Variants in UHRF1 observed in about 807,000 individuals in gnomAD.
UHRF1 encodes the protein E3 ubiquitin-protein ligase UHRF1.
UHRF1 carries 9 observed loss-of-function variants against 96.5 expected under a neutral mutation model. The ratio of observed to expected loss-of-function variants is 0.09; its 90% CI spans 0.06 to 0.16. The LOEUF (loss-of-function observed/expected upper bound fraction) is 0.16. UHRF1 is among the 10% of genes least tolerant of loss of function. The probability of loss-of-function intolerance (pLI) is 1.00; values close to 1 mark genes in which losing one functional copy is unlikely to be tolerated. For missense variants in UHRF1, 626 were observed against 1,131.1 expected, an observed-to-expected ratio of 0.55 and a Z score of 6.40; for synonymous variants, 455 against 469.9, an observed-to-expected ratio of 0.97 and a Z score of 0.41.
chr19:4,917,667 A>G (rs2032568539), intron 2 of UHRF1, among the ~76,000 whole-genome samples: 10 of 150,640 alleles, frequency 6.6e-5, no homozygotes, highest in Admixed American at 6.6e-4. Context: ...AAAAAAAAAA[A>G]AAAAAAAAAA....
intron 2 of UHRF1, among the ~76,000 whole-genome samples, chr19:4,926,943 A>G (rs2032891645): frequency 6.6e-6 from 1 of 152,050 alleles, no homozygotes; most frequent in Admixed American, 6.6e-5. Context: ...GGTGCCTGTA[A>G]TCCCCGCTAC....
intron 2 of UHRF1, among the ~76,000 whole-genome samples, chr19:4,927,558 A>T (rs756874874): frequency 1.3e-5 from 2 of 152,114 alleles, no homozygotes; most frequent in Non-Finnish European, 2.9e-5. Flanking sequence ...CCAAGGGGCG[A>T]AAGGAGGAAG....
intron 7 of UHRF1, among the ~76,000 whole-genome samples, chr19:4,942,200 C>CTT (rs943037431): frequency 6.8e-6 from 1 of 147,526 alleles, no homozygotes; most frequent in Non-Finnish European, 1.5e-5. Context: ...TTTTTCTTTT[C>CTT]TTTTTTTTTT....
intron 5 of UHRF1, among the ~76,000 whole-genome samples, chr19:4,934,038 T>C (rs992126759): frequency 6.6e-5 from 10 of 151,364 alleles, no homozygotes; most frequent in Non-Finnish European, 1.2e-4. Context: ...TTTTTTTTTT[T>C]TAAAAGACAG....
chr19:4,939,417 T>C (rs1599277024), intron 5 of UHRF1, among the ~76,000 whole-genome samples: 1 of 151,922 alleles, frequency 6.6e-6, no homozygotes, highest in Middle Eastern at 3.4e-3. Context: ...GTTTGCTGTC[T>C]CACCTAGGCT....
At chr19:4,938,417 TTA>T (rs1250664067) in intron 5 of UHRF1, among the ~76,000 whole-genome samples, 2 of 152,078 alleles carry the variant, frequency 1.3e-5, no homozygotes, top group African/African-American at 2.4e-5. Context: ...TGTTGGTAAT[TTA>T]TGTTTTCTTT....
At chr19:4,923,476 C>T (rs927762927) in intron 2 of UHRF1, among the ~76,000 whole-genome samples, 1 of 152,204 alleles carries the variant, frequency 6.6e-6, no homozygotes, top group African/African-American at 2.4e-5. Flanking sequence ...GCGCTGAGGC[C>T]CCTCTGCTTG....
At chr19:4,932,693 G>C (rs2146336331) in intron 4 of UHRF1, 48 bp from the exon 5 acceptor site, 1 of 1,596,162 alleles carries the variant, frequency 6.3e-7, no homozygotes, top group African/African-American at 1.3e-5. Flanking sequence ...ATTGAGGGAA[G>C]GAGGCTTGGT....
intron 2 of UHRF1, among the ~76,000 whole-genome samples, chr19:4,916,997 C>T (rs1367372917): frequency 2.7e-5 from 4 of 150,596 alleles, no homozygotes; most frequent in Non-Finnish European, 4.4e-5. Flanking sequence ...CCTGCTGTGC[C>T]GCTAGGCAGT....
intron 2 of UHRF1, among the ~76,000 whole-genome samples, chr19:4,922,919 G>T (rs1036067820): frequency 6.6e-6 from 1 of 152,170 alleles, no homozygotes; most frequent in Non-Finnish European, 1.5e-5. Context: ...TTTCCGATGT[G>T]GGAAGGGCCG....
intron 11 of UHRF1, 83 bp from the exon 12 acceptor site, chr19:4,950,528 G>A: frequency 6.8e-7 from 1 of 1,470,830 alleles, no homozygotes; most frequent in Non-Finnish European, 9.1e-7. Flanking sequence ...ACAGGCCTGA[G>A]CCACCACTCC....
At chr19:4,955,631 C>T (rs1380811272) in intron 15 of UHRF1, among the ~76,000 whole-genome samples, 2 of 152,140 alleles carry the variant, frequency 1.3e-5, no homozygotes, top group African/African-American at 2.4e-5. Context: ...AGGGCTTTCT[C>T]CCCAGCTCCC....
In UHRF1 at chr19:4,944,399, C is replaced by T. The variant is rs370583963; in HGVS notation, c.1254C>T (p.Tyr418=). The change falls in exon 9 of 17, where the codon TAC becomes TAT. Residue 418 remains tyrosine (Y), a synonymous_variant. Coordinates refer to ENST00000650932, the MANE Select transcript of UHRF1 (RefSeq NM_001048201.3). The part of the protein sequence containing the change: ...KECTIVPSNH[Y]GPIPGIPVGT... The stretch of plus-strand genomic sequence containing the variant: ...GTACCATCGTCCCGTCCAACCACTA[C>T]GGACCCATCCCGGGGATCCCCGTGG... The T allele has an allele frequency of 2.7e-5, 43 of 1,613,930 alleles. No individual in the cohort carries two copies. The highest frequency in any genetic ancestry group is 1.6e-4 in the Middle Eastern group (1 of 6,084).
intron 16 of UHRF1, among the ~76,000 whole-genome samples, chr19:4,958,510 T>C (rs774016353): frequency 3.3e-5 from 5 of 152,248 alleles, no homozygotes; most frequent in Non-Finnish European, 5.9e-5. Flanking sequence ...CCATCTGTCC[T>C]GTGCATCGGT....
intron 5 of UHRF1, among the ~76,000 whole-genome samples, chr19:4,940,575 C>T (rs1344404937): frequency 6.6e-6 from 1 of 151,514 alleles, no homozygotes; most frequent in Non-Finnish European, 1.5e-5. Flanking sequence ...CTATGTTGGC[C>T]ATGCTAGTCT....
chr19:4,944,300 C>T (rs2033498471), intron 8 of UHRF1, 43 bp from the exon 9 acceptor site: 1 of 1,613,956 alleles, frequency 6.2e-7, no homozygotes, highest in East Asian at 2.2e-5. Flanking sequence ...TCCCCGCCTG[C>T]CAGGGCTCAC....
At chr19:4,944,791 G>T (rs2033513932) in intron 9 of UHRF1, among the ~76,000 whole-genome samples, 1 of 152,194 alleles carries the variant, frequency 6.6e-6, no homozygotes. Context: ...GTGACTGGGT[G>T]TTGACAGTGC....
In UHRF1 at chr19:4,940,346, C is replaced by T. The variant is rs868625474; in HGVS notation, c.786-1182C>T. 3.6e-5 allele frequency among the ~76,000 whole-genome samples: 5 copies of T among 140,164 alleles called. No individual in the cohort carries two copies. The South Asian group carries it at 7.0e-4, about 20-fold the overall frequency. 92.0% of individuals were successfully genotyped at this position (140,164 alleles called of 152,430 possible). On this transcript the variant is annotated intron_variant, in intron 5 of 16. Transcript: ENST00000650932. ...TTTTGATGTAGGCCATTGGATCAAG[C>T]GTTGCCTTTATGATTTTTTTTTTTT...
Position 4,932,760 on chromosome 19 carries a change from G to T in UHRF1, c.589G>T (p.Val197Phe). 1 of 1,613,876 alleles carries T rather than the reference G, an allele frequency of 6.2e-7. No individual in the cohort carries two copies. The highest frequency in any genetic ancestry group is 1.3e-5 in the African/African-American group (1 of 75,064). The change falls in exon 5 of 17, where the codon GTC (valine) becomes TTC (phenylalanine). Residue 197 changes from valine to phenylalanine, a missense_variant. Val to Phe is a conservative substitution (Grantham distance 50). Coordinates refer to ENST00000650932, the MANE Select transcript of UHRF1 (RefSeq NM_001048201.3). Reference sequence around the variant, plus strand: ...TCCCAGCTACCCGGAGAACGGCGTGGTCCAGATGAACTCCAGGGACGTCCG... The same window carrying T: ...TCCCAGCTACCCGGAGAACGGCGTGTTCCAGATGAACTCCAGGGACGTCCG... ...KYDDYPENGV[V>F]QMNSRDVRAR... is the part of the protein sequence containing the mutation.
Sources: gnomAD v4.1 joint callset for allele counts (sites outside exome capture counted in the v4.1 genomes callset) on GRCh38, gnomAD v4.1.1 for gene constraint, MANE v1.5 for transcripts, NCBI Gene and HGNC (gene_info 2026-07-23, HGNC 2026-07-21) for gene names.